The following ANAPC1 variants were observed in gnomAD, a reference collection of about 807,000 sequenced individuals.
ANAPC1 encodes the protein anaphase promoting complex subunit 1.
A neutral mutation model predicts 208.0 loss-of-function variants in ANAPC1; 36 were observed. The ratio of observed to expected loss-of-function variants is 0.17; its 90% confidence interval spans 0.13 to 0.23. ANAPC1 has a LOEUF of 0.23. ANAPC1 is among the 10% of genes least tolerant of loss of function. The pLI, the probability that ANAPC1 is intolerant of heterozygous loss-of-function variation, is 1.00. For synonymous variants in ANAPC1, 378 were observed against 695.2 expected (o/e 0.54, Z 7.18); for missense variants, 942 against 2,011.6 (o/e 0.47, Z 10.17).
intron 17 of ANAPC1, among the ~76,000 whole-genome samples, chr2:111,840,100 C>T (rs1429249450): frequency 6.6e-6 from 1 of 152,184 alleles, no homozygotes; most frequent in East Asian, 1.9e-4. Flanking sequence ...AGGAAAAAAA[C>T]AGCAGCCCGG....
At position 111,872,623 on chromosome 2, in the gene ANAPC1, T is replaced by C; in HGVS notation, c.611+7A>G. 1 of 1,603,686 alleles carries C rather than the reference T, an allele frequency of 6.2e-7. No homozygotes were observed. The highest frequency in any genetic ancestry group is 8.5e-7 in the Non-Finnish European group (1 of 1,170,856). On this transcript the variant is annotated splice_region_variant and intron_variant, in intron 6 of 47. Coordinates refer to ENST00000341068, the MANE Select transcript of ANAPC1 (RefSeq NM_022662.4). ...CAGTAATATTCTGAAGTGAATAAAA[T>C]GAATACCTGGGTGAACCTGGAGGTA... is the stretch of plus-strand genomic sequence containing the variant.
chr2:111,785,891 C>T (rs1239753998), intron 39 of ANAPC1, among the ~76,000 whole-genome samples: 1 of 150,654 alleles, frequency 6.6e-6, no homozygotes, highest in Admixed American at 6.6e-5. Context: ...AGGGGGAAGA[C>T]AGGATGTCAA....
At chr2:111,825,947 G>A in intron 21 of ANAPC1, 92 bp from the exon 22 acceptor site, 7 of 1,194,134 alleles carry the variant, frequency 5.9e-6, no homozygotes, top group Non-Finnish European at 8.3e-6. Flanking sequence ...CACAATCACA[G>A]CTCACTGCAG....
At chr2:111,823,111 G>A (rs951903429) in intron 24 of ANAPC1, among the ~76,000 whole-genome samples, 15 of 135,812 alleles carry the variant, frequency 1.1e-4, no homozygotes, top group African/African-American at 2.8e-5. Flanking sequence ...CCGGGTTCAC[G>A]CCATTCTCCT....
intron 34 of ANAPC1, among the ~76,000 whole-genome samples, chr2:111,797,609 A>G (rs574241712): frequency 6.6e-6 from 1 of 152,270 alleles, no homozygotes; most frequent in East Asian, 1.9e-4. Flanking sequence ...ATAGATGAAT[A>G]AATTCCTATC....
intron 6 of ANAPC1, among the ~76,000 whole-genome samples, chr2:111,871,904 G>C (rs1238118920): frequency 6.6e-6 from 1 of 152,052 alleles, no homozygotes; most frequent in Non-Finnish European, 1.5e-5. Flanking sequence ...GAGTCTATAG[G>C]GTTTTCTAGG....
downstream of ANAPC1, among the ~76,000 whole-genome samples, chr2:111,767,448 C>A (rs1414521529): frequency 6.6e-6 from 1 of 151,968 alleles, no homozygotes; most frequent in African/African-American, 2.4e-5. Flanking sequence ...ATCCAGCAGG[C>A]CTACTCAAGG....
intron 6 of ANAPC1, among the ~76,000 whole-genome samples, chr2:111,869,593 G>C (rs983209936): frequency 2.6e-5 from 4 of 152,170 alleles, no homozygotes; most frequent in African/African-American, 9.7e-5. Flanking sequence ...TTACCACTTA[G>C]ATTGGGAAAA....
At chr2:111,787,606 C>G (rs147038386) in intron 39 of ANAPC1, among the ~76,000 whole-genome samples, 7,151 of 152,104 alleles carry the variant, frequency 0.047, 413 homozygotes, top group African/African-American at 0.13. Flanking sequence ...TTCTCTGCCC[C>G]CATATGCAAG....
At chr2:111,830,898 C>A (rs1642030581) in intron 21 of ANAPC1, among the ~76,000 whole-genome samples, 1 of 152,166 alleles carries the variant, frequency 6.6e-6, no homozygotes, top group African/African-American at 2.4e-5. Context: ...AGGTACCTGT[C>A]CTAGAGAAAG....
intron 11 of ANAPC1, among the ~76,000 whole-genome samples, chr2:111,857,938 A>G (rs1367785419): frequency 6.7e-6 from 1 of 149,062 alleles, no homozygotes; most frequent in Non-Finnish European, 1.5e-5. Context: ...TGAAAGCTAA[A>G]CACAAAAAGG....
At chr2:111,779,532 T>C (rs1215821747) in intron 44 of ANAPC1, 1 of 152,112 alleles carries the variant, frequency 6.6e-6, no homozygotes, top group Non-Finnish European at 1.5e-5. Flanking sequence ...CTTGTCTCTA[T>C]GGTGGATTAA....
chr2:111,824,068 A>G (rs1312265519), intron 24 of ANAPC1, among the ~76,000 whole-genome samples: 1 of 151,006 alleles, frequency 6.6e-6, no homozygotes, highest in African/African-American at 2.4e-5. Flanking sequence ...TGCATTATTT[A>G]TAATATAAAA....
rs544833796 is a variant in ANAPC1 at position 111,832,019 on chromosome 2, G to A, written c.2477-585C>T. 4.8e-3 allele frequency among the ~76,000 whole-genome samples: 705 copies of A among 146,698 alleles called. 10 individuals are homozygous for A. The highest frequency in any genetic ancestry group is 4.9e-3 in the Non-Finnish European group (324 of 66,356). On this transcript the variant is annotated intron_variant, in intron 20 of 47. Transcript: ENST00000341068. The stretch of plus-strand genomic sequence containing the variant: ...CAAAGAATCTAACCAAAGGCTGGAT[G>A]TGGTGGCTAACACCTGTAATCCCAG...
At chr2:111,875,277 T>C (rs1367660192) in intron 3 of ANAPC1, among the ~76,000 whole-genome samples, 1 of 152,194 alleles carries the variant, frequency 6.6e-6, no homozygotes, top group Non-Finnish European at 1.5e-5. Flanking sequence ...TTTGTTTTAT[T>C]GTTGAGTTGT....
chr2:111,842,307 C>T (rs1479495067), intron 17 of ANAPC1, among the ~76,000 whole-genome samples: 1 of 152,168 alleles, frequency 6.6e-6, no homozygotes, highest in Admixed American at 6.5e-5. Context: ...CCTCCATTTT[C>T]CACATTTTCC....
chr2:111,825,702 A>C, intron 22 of ANAPC1, 75 bp downstream of exon 22: 1 of 1,484,606 alleles, frequency 6.7e-7, no homozygotes, highest in Non-Finnish European at 9.3e-7. Context: ...AACAAGAAAA[A>C]TTCAATTCTT....
In ANAPC1 at chr2:111,861,041, T is replaced by G. The variant is rs3863965; in HGVS notation, c.1262+1348A>C. The stretch of plus-strand genomic sequence containing the variant: ...GCCTTCTTACCGCTGTCATCAAACA[T>G]ACCAGAGGCCTAAAGGGCAATCAGT... On this transcript the variant is annotated intron_variant, in intron 10 of 47. Coordinates refer to ENST00000341068, the MANE Select transcript of ANAPC1 (RefSeq NM_022662.4). Among the ~76,000 whole-genome samples, 115 of 152,308 alleles carry G rather than the reference T, an allele frequency of 7.6e-4. No homozygotes were observed. The East Asian group carries it at 0.015, about 20-fold the overall frequency.
chr2:111,877,231 C>A (rs1170231508), intron 3 of ANAPC1, among the ~76,000 whole-genome samples: 1 of 120,728 alleles, frequency 8.3e-6, no homozygotes, highest in Admixed American at 9.1e-5. Context: ...CCCAAATTTT[C>A]CCCAAAAATA....
Sources: gnomAD v4.1 joint callset for allele counts (sites outside exome capture counted in the v4.1 genomes callset) on GRCh38, gnomAD v4.1.1 for gene constraint, MANE v1.5 for transcripts, NCBI Gene and HGNC (gene_info 2026-07-23, HGNC 2026-07-21) for gene names.